The following ZNF506 variants were observed in gnomAD, a reference collection of about 807,000 sequenced individuals.
The protein encoded by ZNF506 is zinc finger protein 506.
ZNF506 carries 10 observed loss-of-function variants against 11.6 expected under a neutral mutation model. The observed-to-expected ratio is 0.86, with a 90% CI of 0.53 to 1.46. The LOEUF is 1.46. ZNF506 is among the 40% of genes most tolerant of loss of function. The pLI is 0.00. For missense variants in ZNF506, 425 were observed against 521.2 expected (o/e 0.82, Z 1.80); for synonymous variants, 156 against 173.3 (o/e 0.90, Z 0.78).
chr19:19,815,809 T>C (rs1180537385), intron 1 of ZNF506, among the ~76,000 whole-genome samples: 7 of 152,312 alleles, frequency 4.6e-5, no homozygotes, highest in Non-Finnish European at 2.9e-5. Flanking sequence ...ATAACCTCTC[T>C]GAAGTTCAAT....
chr19:19,815,959 T>C (rs1315009651), intron 1 of ZNF506, among the ~76,000 whole-genome samples: 2 of 152,098 alleles, frequency 1.3e-5, no homozygotes, highest in African/African-American at 4.8e-5. Flanking sequence ...ATGAAACACA[T>C]AGATAATCCT....
At position 19,807,036 on chromosome 19, in the gene ZNF506, T is replaced by C. The variant is rs140118645; in HGVS notation, c.36A>G (p.Glu12=). The change falls in exon 2 of 4, where the codon GAA becomes GAG. Residue 12 remains glutamate, a synonymous_variant. Coordinates refer to ENST00000540806, the MANE Select transcript of ZNF506 (RefSeq NM_001099269.3). The part of the protein sequence containing the change: ...GPLQFRDVAI[E]FSLEEWHCLD... Reference sequence around the variant, plus strand: ...GGCAATGCCACTCCTCCAGAGAGAATTCTATGGCCACATCTCTAAATTGCA... The same window carrying C: ...GGCAATGCCACTCCTCCAGAGAGAACTCTATGGCCACATCTCTAAATTGCA... 8.5e-4 allele frequency: 1,380 copies of C among 1,614,054 alleles called. 15 individuals carry two copies. The African/African-American group carries it at 0.016, about 19-fold the overall frequency.
intron 1 of ZNF506, among the ~76,000 whole-genome samples, chr19:19,814,352 G>A (rs1004705473): frequency 5.4e-5 from 8 of 148,210 alleles, no homozygotes; most frequent in Non-Finnish European, 1.0e-4. Context: ...AGGTTGCAGT[G>A]AGCCGAGATC....
intron 3 of ZNF506, among the ~76,000 whole-genome samples, chr19:19,804,660 A>C (rs1381536756): frequency 2.6e-5 from 4 of 152,250 alleles, no homozygotes; most frequent in African/African-American, 9.6e-5. Context: ...ACTACTCACA[A>C]TAGCAAAGAC....
intron 3 of ZNF506, among the ~76,000 whole-genome samples, chr19:19,805,439 T>TTC (rs2062828317): frequency 6.6e-6 from 1 of 152,154 alleles, no homozygotes; most frequent in African/African-American, 2.4e-5. Context: ...GTGTTTTTTT[T>TTC]TCACAGTAAT....
chr19:19,808,581 C>T (rs1352082619), intron 1 of ZNF506, among the ~76,000 whole-genome samples: 1 of 148,526 alleles, frequency 6.7e-6, no homozygotes, highest in Non-Finnish European at 1.5e-5. Flanking sequence ...CGCAGTGACT[C>T]ACGCCTGTAA....
intron 1 of ZNF506, among the ~76,000 whole-genome samples, chr19:19,819,836 C>T (rs192070174): frequency 6.6e-6 from 1 of 152,268 alleles, no homozygotes; most frequent in African/African-American, 2.4e-5. Flanking sequence ...CAGTGGCTCA[C>T]GCCTGTAATC....
intron 1 of ZNF506, among the ~76,000 whole-genome samples, chr19:19,817,831 C>CT (rs35321486): frequency 0.17 from 21,373 of 127,542 alleles, 2,229 homozygotes; most frequent in South Asian, 0.3. Flanking sequence ...TTTTAAGGTG[C>CT]TTTTTTTTTT....
rs536305401 is a variant in ZNF506 at position 19,810,490 on chromosome 19, A to G, written c.4-3422T>C. On this transcript the variant is annotated intron_variant, in intron 1 of 3. Transcript: ENST00000540806. Reference sequence around the variant, plus strand: ...CCTGGGAGCTGGCACTAAGGGTTTAATAATTTCCAGGATGTAGTTAAAGGT... The same window carrying G: ...CCTGGGAGCTGGCACTAAGGGTTTAGTAATTTCCAGGATGTAGTTAAAGGT... Among the ~76,000 whole-genome samples the G allele has an allele frequency of 5.9e-5, 9 of 152,340 alleles. No homozygotes were observed. In the South Asian group the frequency reaches 1.9e-3, roughly 32 times the overall value.
At chr19:19,811,806 A>G (rs1309696297) in intron 1 of ZNF506, among the ~76,000 whole-genome samples, 3 of 152,100 alleles carry the variant, frequency 2.0e-5, no homozygotes, top group Non-Finnish European at 4.4e-5. Flanking sequence ...AATTATAATA[A>G]CGGTTCTTCT....
intron 1 of ZNF506, among the ~76,000 whole-genome samples, chr19:19,807,961 T>C (rs2145192263): frequency 6.6e-6 from 1 of 151,902 alleles, no homozygotes; most frequent in Middle Eastern, 3.4e-3. Context: ...AAAGAAAATA[T>C]GTAGGAAAAA....
chr19:19,802,107 A>C lies in ZNF506; in HGVS notation c.226+3924T>G, dbSNP rs1045290622. Among the ~76,000 whole-genome samples the C allele has an allele frequency of 2.7e-5, 4 of 149,312 alleles. 1 individual carries two copies. The highest frequency in any genetic ancestry group is 9.9e-5 in the African/African-American group (4 of 40,374). On this transcript the variant is annotated intron_variant, in intron 3 of 3. Coordinates refer to ENST00000540806, the MANE Select transcript of ZNF506 (RefSeq NM_001099269.3). ...GTAATTGCAGCTACTTGGGAGGCTG[A>C]GGCATGAGAACTGCTTGAAGCCAGG... is the stretch of plus-strand genomic sequence containing the variant.
At chr19:19,814,146 T>C (rs964779128) in intron 1 of ZNF506, among the ~76,000 whole-genome samples, 19 of 151,926 alleles carry the variant, frequency 1.3e-4, no homozygotes, top group African/African-American at 2.4e-4. Context: ...TGATTGCTTA[T>C]ACCTGTAATC....
chr19:19,816,381 GGA>G (rs2062931597), intron 1 of ZNF506, among the ~76,000 whole-genome samples: 1 of 151,650 alleles, frequency 6.6e-6, no homozygotes, highest in Non-Finnish European at 1.5e-5. Flanking sequence ...TTTTTGAGAT[GGA>G]GTCTTGCTCT....
chr19:19,801,471 G>A (rs1232914233), intron 3 of ZNF506, among the ~76,000 whole-genome samples: 7 of 151,448 alleles, frequency 4.6e-5, no homozygotes, highest in African/African-American at 1.7e-4. Context: ...CTCCAACATG[G>A]GCAACAGAAC....
chr19:19,793,088 A>C lies in ZNF506; in HGVS notation c.*1464T>G, dbSNP rs538083589. Reference sequence around the variant, plus strand: ...TAAAATAACAGCGTAAAGAAATTTGAAAGTTGTATTACATCATTATTCACT... The same window carrying C: ...TAAAATAACAGCGTAAAGAAATTTGCAAGTTGTATTACATCATTATTCACT... On this transcript the variant is annotated 3_prime_UTR_variant, in exon 4 of 4. Transcript: ENST00000540806. 1.3e-5 allele frequency among the ~76,000 whole-genome samples: 2 copies of C among 152,310 alleles called. No individual in the cohort carries two copies. Among genetic ancestry groups the C allele is most frequent in the Admixed American group, 1.3e-4 (2 of 15,300 alleles).
chr19:19,817,247 T>A (rs1292561388), intron 1 of ZNF506, among the ~76,000 whole-genome samples: 5 of 152,158 alleles, frequency 3.3e-5, no homozygotes, highest in Non-Finnish European at 7.4e-5. Context: ...CATTCTCTGA[T>A]CTAAGATCTG....
At chr19:19,800,594 T>C (rs1334568617) in intron 3 of ZNF506, among the ~76,000 whole-genome samples, 2 of 150,724 alleles carry the variant, frequency 1.3e-5, no homozygotes, top group African/African-American at 4.9e-5. Flanking sequence ...TTTTTTGTAT[T>C]TTAGTAGAGA....
chr19:19,795,775 AC>A, intron 3 of ZNF506, 115 bp from the exon 4 acceptor site: 1 of 997,384 alleles, frequency 1.0e-6, no homozygotes. Context: ...ACAGCAAAAT[AC>A]CACAAGCTGT....
Sources: gnomAD v4.1 joint callset for allele counts (sites outside exome capture counted in the v4.1 genomes callset) on GRCh38, gnomAD v4.1.1 for gene constraint, MANE v1.5 for transcripts, NCBI Gene and HGNC (gene_info 2026-07-23, HGNC 2026-07-21) for gene names.